Variants in RELN observed in about 807,000 individuals in gnomAD.
RELN encodes reelin.
A neutral mutation model predicts 427.6 loss-of-function variants in RELN; 108 were observed. The observed-to-expected ratio is 0.25, with a 90% CI of 0.22 to 0.30. RELN has a LOEUF of 0.30. Ranked by LOEUF, RELN falls within the 10% of genes least tolerant of loss-of-function variation. The probability of loss-of-function intolerance (pLI) is 1.00; values close to 1 mark genes in which losing one functional copy is unlikely to be tolerated. For synonymous variants in RELN, 1,524 were observed against 1,513.4 expected, an observed-to-expected ratio of 1.01 and a Z score of -0.16; for missense variants, 3,715 against 4,302.8, an observed-to-expected ratio of 0.86 and a Z score of 3.82.
chr7:103,863,694 A>G (rs778281199), intron 2 of RELN, among the ~76,000 whole-genome samples: 1 of 152,132 alleles, frequency 6.6e-6, no homozygotes, highest in Admixed American at 6.6e-5. Flanking sequence ...TCCTAACCTA[A>G]ATCTCCTCTG....
At chr7:103,788,723 G>A (rs1010406846) in intron 3 of RELN, among the ~76,000 whole-genome samples, 1 of 152,108 alleles carries the variant, frequency 6.6e-6, no homozygotes, top group Non-Finnish European at 1.5e-5. Context: ...CCATGCTCAT[G>A]GATATGAAGA....
chr7:103,889,666 G>T (rs1283381806), intron 2 of RELN, among the ~76,000 whole-genome samples: 1 of 152,044 alleles, frequency 6.6e-6, no homozygotes, highest in Non-Finnish European at 1.5e-5. Context: ...AGGGGGGCAG[G>T]GCAGGCAGAG....
At chr7:103,759,500 T>C (rs546880682) in intron 4 of RELN, among the ~76,000 whole-genome samples, 78 of 152,282 alleles carry the variant, frequency 5.1e-4, no homozygotes, top group African/African-American at 1.6e-3. Context: ...GAATAAATGA[T>C]GGAAAGCTCT....
intron 1 of RELN, among the ~76,000 whole-genome samples, chr7:103,920,949 G>A (rs1245389096): frequency 1.3e-5 from 2 of 152,066 alleles, no homozygotes; most frequent in Admixed American, 1.3e-4. Context: ...AGAAATCTGT[G>A]GTAAATGCAC....
intron 16 of RELN, among the ~76,000 whole-genome samples, chr7:103,647,658 C>T (rs1832824311): frequency 6.6e-6 from 1 of 151,844 alleles, no homozygotes; most frequent in Non-Finnish European, 1.5e-5. Flanking sequence ...AATGCAAATC[C>T]TATCAGAATA....
chr7:103,858,203 G>C (rs548916522), intron 2 of RELN, among the ~76,000 whole-genome samples: 1 of 152,166 alleles, frequency 6.6e-6, no homozygotes, highest in African/African-American at 2.4e-5. Context: ...TTCCTAGCTG[G>C]GTGGCCTTGG....
At chr7:103,765,067 C>T (rs182364790) in intron 4 of RELN, among the ~76,000 whole-genome samples, 5 of 151,414 alleles carry the variant, frequency 3.3e-5, no homozygotes, top group East Asian at 1.9e-4. Flanking sequence ...GAAAGCCTGG[C>T]GACACACACT....
At chr7:103,530,840 A>G (rs1052413412) in intron 46 of RELN, among the ~76,000 whole-genome samples, 1 of 152,312 alleles carries the variant, frequency 6.6e-6, no homozygotes, top group African/African-American at 2.4e-5. Flanking sequence ...ATACTGCAGC[A>G]TTTCTAGCCC....
chr7:103,556,092 C>T (rs776699692), intron 38 of RELN, among the ~76,000 whole-genome samples: 4 of 152,062 alleles, frequency 2.6e-5, no homozygotes, highest in Non-Finnish European at 5.9e-5. Context: ...TTTCTGTAAC[C>T]ATTTGAAATG....
chr7:103,635,933 G>A (rs1179121481), intron 18 of RELN, among the ~76,000 whole-genome samples: 1 of 152,134 alleles, frequency 6.6e-6, no homozygotes, highest in East Asian at 1.9e-4. Flanking sequence ...GCCTCCTCAA[G>A]CTGTCAAATC....
chr7:103,956,762 T>C (rs914462281), intron 1 of RELN, among the ~76,000 whole-genome samples: 6 of 152,152 alleles, frequency 3.9e-5, no homozygotes, highest in Non-Finnish European at 8.8e-5. Context: ...AGGATGAAGC[T>C]GTAGATGGCA....
At chr7:103,544,972 T>A (rs1302228635) in intron 42 of RELN, 152 bp downstream of exon 42, 3 of 705,596 alleles carry the variant, frequency 4.3e-6, no homozygotes, top group Non-Finnish European at 4.9e-6. Flanking sequence ...TGGAACCCTA[T>A]AAATTCAGAA....
intron 2 of RELN, among the ~76,000 whole-genome samples, chr7:103,893,983 G>C (rs929098535): frequency 6.6e-6 from 1 of 152,058 alleles, no homozygotes; most frequent in African/African-American, 2.4e-5. Flanking sequence ...AGGCATAGCC[G>C]AACGCTGAAT....
chr7:103,641,713 T>C (rs1832697567), intron 16 of RELN, among the ~76,000 whole-genome samples: 1 of 152,178 alleles, frequency 6.6e-6, no homozygotes, highest in African/African-American at 2.4e-5. Flanking sequence ...ACTACATGGT[T>C]ATAATCAGCA....
At chr7:103,631,827 A>C (rs1412528885) in intron 19 of RELN, among the ~76,000 whole-genome samples, 1 of 152,078 alleles carries the variant, frequency 6.6e-6, no homozygotes, top group Admixed American at 6.5e-5. Context: ...ACTATATTTA[A>C]ACTGGTTTAA....
rs192892900 is a variant in RELN, at chr7:103,579,368, G to A, written c.4146-3663C>T. 2.3e-3 allele frequency among the ~76,000 whole-genome samples: 348 copies of A among 152,320 alleles called. 3 individuals carry two copies. Among genetic ancestry groups the A allele is most frequent in the Non-Finnish European group, 3.5e-3 (241 of 68,026 alleles). On this transcript the variant is annotated intron_variant, in intron 28 of 64. Coordinates refer to ENST00000428762, the MANE Select transcript of RELN (RefSeq NM_005045.4). ...AATCCCAGTGCTTTGGGAGACCTAGGTGGGTGGATCACTTAGTGTTACGAG... is the reference window on the plus strand; with the variant it reads ...AATCCCAGTGCTTTGGGAGACCTAGATGGGTGGATCACTTAGTGTTACGAG...
chr7:103,907,409 G>A (rs1190598893), intron 2 of RELN, among the ~76,000 whole-genome samples: 2 of 55,644 alleles, frequency 3.6e-5, no homozygotes, highest in African/African-American at 1.3e-4. Context: ...CAAGATCAAG[G>A]CTCTGGAAAA....
chr7:103,616,939 A>T (rs1832093846), intron 20 of RELN, among the ~76,000 whole-genome samples: 1 of 152,224 alleles, frequency 6.6e-6, no homozygotes, highest in Admixed American at 6.5e-5. Context: ...CCTTCGTTAA[A>T]GCAAATACAC....
intron 52 of RELN, among the ~76,000 whole-genome samples, chr7:103,501,708 T>C (rs568311183): frequency 1.3e-5 from 2 of 152,288 alleles, no homozygotes; most frequent in African/African-American, 4.8e-5. Flanking sequence ...TGAATGTAAA[T>C]TATACCTCAT....
Sources: allele counts gnomAD v4.1 joint callset (sites outside exome capture counted in the v4.1 genomes callset), GRCh38; gene constraint gnomAD v4.1.1; transcripts MANE v1.5; gene names NCBI Gene and HGNC (gene_info 2026-07-23, HGNC 2026-07-21).